RAD23A: variants seen among roughly 807,000 people sequenced by gnomAD.
RAD23A encodes the protein lysine-specific demethylase RAD23A.
In RAD23A, 16 loss-of-function variants were observed where a neutral mutation model predicts 44.8. That is an observed-to-expected ratio of 0.36 (90% CI 0.24 to 0.54). The LOEUF is 0.54. Among genes scored for constraint, RAD23A ranks in the 20% least tolerant of loss-of-function variants. RAD23A has a pLI of 0.89. For synonymous variants in RAD23A, 217 were observed against 202.9 expected, an observed-to-expected ratio of 1.07 and a Z score of -0.59; for missense variants, 380 against 483.3, an observed-to-expected ratio of 0.79 and a Z score of 2.00.
At chr19:12,949,620 A>C (rs1599668801) in intron 7 of RAD23A, 1 of 582,958 alleles carries the variant, frequency 1.7e-6, no homozygotes, top group Non-Finnish European at 3.0e-6. Context: ...TGTCAACATC[A>C]CCTCCCACAG....
In RAD23A at chr19:12,948,101, G is replaced by A. The variant is rs1227733797; in HGVS notation, c.235-76G>A. On this transcript the variant is annotated intron_variant, in intron 2 of 8. Transcript: ENST00000586534. This position sits in a 1 kb window ranked among gnomAD's most constrained non-coding sequence, Gnocchi z 5.5. ...CCCAGGAGAGATTAGCTGTGAACAG[G>A]GCGGGGCCACAGCGGAGCGGGTTGT... The A allele has an allele frequency of 9.9e-6, 16 of 1,608,504 alleles. No individual in the cohort carries two copies. The highest frequency in any genetic ancestry group is 1.3e-5 in the African/African-American group (1 of 74,790).
intron 7 of RAD23A, among the ~76,000 whole-genome samples, chr19:12,950,248 C>T (rs1241692202): frequency 6.6e-6 from 1 of 152,166 alleles, no homozygotes; most frequent in African/African-American, 2.4e-5. Context: ...GCCCCAGGCC[C>T]TGGGGATCTG....
chr19:12,951,790 C>T (rs1971819553), intron 7 of RAD23A, among the ~76,000 whole-genome samples: 1 of 152,224 alleles, frequency 6.6e-6, no homozygotes, highest in African/African-American at 2.4e-5. Context: ...TTCCCAGATG[C>T]ATCCACCCTG....
chr19:12,946,039 C>T lies in RAD23A; in HGVS notation c.72+19C>T. On this transcript the variant is annotated intron_variant, in intron 1 of 8. Transcript: ENST00000586534. The stretch of plus-strand genomic sequence containing the variant: ...CGAGACGGTGCGGGCCGGGCCGGAG[C>T]CCGGGGGCGGGAGCGACGGGTTTCG... The T allele has an allele frequency of 6.8e-6, 10 of 1,468,458 alleles. No homozygotes were observed. Among genetic ancestry groups the T allele is most frequent in the Non-Finnish European group, 9.2e-6 (10 of 1,089,758 alleles). The allele number at this position is 1,468,458 out of a possible 1,614,324, so 91.0% of individuals were successfully genotyped here. A position where few individuals can be genotyped will look rare whatever the true frequency, so the allele number is the denominator to read the frequency against.
At position 12,948,332 on chromosome 19, in the gene RAD23A, C is replaced by T. The variant is rs757088831; in HGVS notation, c.390C>T (p.Pro130=). The T allele has an allele frequency of 6.2e-7, 1 of 1,600,134 alleles. No individual in the cohort carries two copies. Among genetic ancestry groups the T allele is most frequent in the East Asian group, 2.2e-5 (1 of 44,748 alleles). The change falls in exon 3 of 9, where the codon CCC becomes CCT. Residue 130 remains proline, a synonymous_variant. Coordinates refer to ENST00000586534, the MANE Select transcript of RAD23A (RefSeq NM_005053.4). This position sits in a 1 kb window ranked among gnomAD's most constrained non-coding sequence, Gnocchi z 5.5. ...AGAGCCCATCAGAGGAATCCGCCCC[C>T]ACGACGTCCCCAGAGTCTGTGTCAG... ...EDKSPSEESA[P]TTSPESVSGS... is the part of the protein sequence containing the mutation.
intron 7 of RAD23A, 140 bp from the exon 8 acceptor site, chr19:12,952,549 G>A (rs980255285): frequency 6.2e-6 from 6 of 961,520 alleles, no homozygotes; most frequent in South Asian, 3.5e-5. Context: ...GGCTTGTGTC[G>A]ACTGCTATGT....
chr19:12,953,034 C>T lies in RAD23A; in HGVS notation c.1077C>T (p.Asn359=). 4.3e-6 allele frequency: 7 copies of T among 1,614,018 alleles called. No homozygotes were observed. The highest frequency in any genetic ancestry group is 5.9e-6 in the Non-Finnish European group (7 of 1,179,982). ...CTGCCAACTTCCTCCTGAGTCAGAA[C>T]TTTGATGACGAGTGATGCCAGGAAG... ...NLAANFLLSQ[N]FDDE is the part of the protein sequence containing the mutation. The change falls in exon 9 of 9, where the codon AAC becomes AAT. Residue 359 remains asparagine (N), a synonymous_variant. Transcript: ENST00000586534.
rs1179481362 is a variant in RAD23A, at chr19:12,953,272, G to C, written c.*223G>C. ...TCCCCCCGTCCTCCTCCCCAGCCCA[G>C]CCTGCTCAGAGAAGCTGGCAGGACT... is the stretch of plus-strand genomic sequence containing the variant. On this transcript the variant is annotated 3_prime_UTR_variant, in exon 9 of 9. Coordinates refer to ENST00000586534, the MANE Select transcript of RAD23A (RefSeq NM_005053.4). The C allele has an allele frequency of 5.3e-6, 2 of 380,248 alleles. No individual in the cohort carries two copies. Among genetic ancestry groups the C allele is most frequent in the Non-Finnish European group, 9.2e-6 (2 of 218,392 alleles). The allele number at this position is 380,248 out of a possible 1,614,324, so 23.6% of individuals were successfully genotyped here.
Position 12,947,976 on chromosome 19 carries a change from T to C in RAD23A, c.201T>C (p.Asp67=). Residue 67 remains aspartate, a synonymous_variant, in exon 2 of 9, where the codon GAT becomes GAC. Transcript: ENST00000586534. ...DDVPIRDYRI[D]EKNFVVVMVT... is the part of the protein sequence containing the mutation. ...TCCCTATCAGGGACTATCGCATCGA[T>C]GAGAAGAACTTTGTGGTCGTCATGG... 1.2e-6 allele frequency: 2 copies of C among 1,613,798 alleles called. No homozygotes were observed. The highest frequency in any genetic ancestry group is 1.7e-6 in the Non-Finnish European group (2 of 1,179,968).
At chr19:12,947,224 ACCAG>A (rs1971694289) in intron 1 of RAD23A, among the ~76,000 whole-genome samples, 1 of 150,014 alleles carries the variant, frequency 6.7e-6, no homozygotes, top group Non-Finnish European at 1.5e-5. Context: ...GGAGTTTGAG[ACCAG>A]CCAGTCTAAC....
intron 7 of RAD23A, chr19:12,949,617 A>T (rs552882289): frequency 5.0e-6 from 3 of 602,330 alleles, no homozygotes; most frequent in African/African-American, 3.7e-5. Flanking sequence ...TGCTGTCAAC[A>T]TCACCTCCCA....
chr19:12,951,432 GT>G (rs903510160), intron 7 of RAD23A, among the ~76,000 whole-genome samples: 1 of 151,320 alleles, frequency 6.6e-6, no homozygotes, highest in Admixed American at 6.6e-5. Context: ...GCTGTTTTTT[GT>G]TTTTTTTGTT....
At position 12,948,472 on chromosome 19, in the gene RAD23A, C is replaced by T. The variant is rs1397152734; in HGVS notation, c.417-25C>T. The T allele has an allele frequency of 9.6e-6, 15 of 1,562,312 alleles. No homozygotes were observed. Among genetic ancestry groups the T allele is most frequent in the Non-Finnish European group, 1.3e-5 (15 of 1,154,834 alleles). ...GGGCAAGCCGCCAGAAGCCAGGGTC[C>T]GATTTCTCTCTCTTGAATTTGCAGC... On this transcript the variant is annotated intron_variant, in intron 3 of 8. Transcript: ENST00000586534. The surrounding 1 kb of genome is among the most constrained non-coding windows in gnomAD (Gnocchi z 5.5).
chr19:12,949,907 C>G (rs1374637249), intron 7 of RAD23A, among the ~76,000 whole-genome samples: 11 of 151,894 alleles, frequency 7.2e-5, no homozygotes, highest in Admixed American at 5.9e-4. Context: ...AAGTAGGTTC[C>G]TCTGGGTTCT....
rs763716808 is a variant in RAD23A at position 12,948,837 on chromosome 19, G to A, written c.600+24G>A. 2 of 1,581,572 alleles carry A rather than the reference G, an allele frequency of 1.3e-6. No homozygotes were observed. Among genetic ancestry groups the A allele is most frequent in the Non-Finnish European group, 8.6e-7 (1 of 1,167,938 alleles). ...CGGTGAGGTGGGGCTTCCGCCTCCC[G>A]GGGAGGCCTTGAGGGAGTACCCGGG... On this transcript the variant is annotated intron_variant, in intron 5 of 8. Coordinates refer to ENST00000586534, the MANE Select transcript of RAD23A (RefSeq NM_005053.4). The surrounding 1 kb of genome is among the most constrained non-coding windows in gnomAD (Gnocchi z 5.5).
Position 12,948,824 on chromosome 19 carries a change from G to A in RAD23A, c.600+11G>A. ...GAGTATCTGCTCACGGTGAGGTGGG[G>A]CTTCCGCCTCCCGGGGAGGCCTTGA... On this transcript the variant is annotated intron_variant, in intron 5 of 8. Coordinates refer to ENST00000586534, the MANE Select transcript of RAD23A (RefSeq NM_005053.4). The surrounding 1 kb of genome is among the most constrained non-coding windows in gnomAD (Gnocchi z 5.5). 6.3e-7 allele frequency: 1 copy of A among 1,591,406 alleles called. No individual in the cohort carries two copies. Among genetic ancestry groups the A allele is most frequent in the Non-Finnish European group, 8.5e-7 (1 of 1,172,094 alleles).
At chr19:12,947,739 C>T in intron 1 of RAD23A, 109 bp from the exon 2 acceptor site, 1 of 1,055,970 alleles carries the variant, frequency 9.5e-7, no homozygotes, top group Non-Finnish European at 1.4e-6. Flanking sequence ...CTTAAAAAAC[C>T]CAGCGTGCTT....
In RAD23A at chr19:12,953,125, T is replaced by C. The variant is rs1971861897; in HGVS notation, c.*76T>C. 1 of 914,246 alleles carries C rather than the reference T, an allele frequency of 1.1e-6. No individual in the cohort carries two copies. Among genetic ancestry groups the C allele is most frequent in the Non-Finnish European group, 1.6e-6 (1 of 617,338 alleles). 56.6% of individuals were successfully genotyped at this position (914,246 alleles called of 1,614,324 possible). A position where few individuals can be genotyped will look rare whatever the true frequency, so the allele number is the denominator to read the frequency against. ...AGTTTTATAAAAGAAAAAATATATA[T>C]ATATTCATGTTTATTTAAGAAATGG... On this transcript the variant is annotated 3_prime_UTR_variant, in exon 9 of 9. Coordinates refer to ENST00000586534, the MANE Select transcript of RAD23A (RefSeq NM_005053.4).
chr19:12,945,961 A>G lies in RAD23A; in HGVS notation c.13A>G (p.Ile5Val), dbSNP rs756873359. The G allele has an allele frequency of 3.1e-6, 5 of 1,607,710 alleles. No homozygotes were observed. The highest frequency in any genetic ancestry group is 1.7e-4 in the Middle Eastern group (1 of 5,978). MAVT[I>V]TLKTLQQQTF... ...CTCGGGCCCCGCCATGGCCGTCACCATCACGCTCAAAACGCTGCAGCAGCA... is the reference window on the plus strand; with the variant it reads ...CTCGGGCCCCGCCATGGCCGTCACCGTCACGCTCAAAACGCTGCAGCAGCA... The change falls in exon 1 of 9, where the codon ATC becomes GTC. Residue 5 changes from isoleucine (I) to valine (V), a missense_variant. Physicochemically the swap from Ile to Val is conservative, Grantham distance 29. Around this residue, in one of 3 missense-constraint regions of RAD23A, gnomAD observed 70 missense variants for 106.0 expected, o/e 0.66. Coordinates refer to ENST00000586534, the MANE Select transcript of RAD23A (RefSeq NM_005053.4).
Sources: allele counts gnomAD v4.1 joint callset (sites outside exome capture counted in the v4.1 genomes callset), GRCh38; gene constraint gnomAD v4.1.1; regional missense constraint gnomAD v4.1.1; non-coding constraint Gnocchi (gnomAD v3.1); transcripts MANE v1.5; gene names NCBI Gene and HGNC (gene_info 2026-07-23, HGNC 2026-07-21).